FAM171A1: variants seen among roughly 807,000 people sequenced by gnomAD.
FAM171A1 encodes the protein protein FAM171A1.
FAM171A1 carries 23 observed loss-of-function variants against 74.9 expected under a neutral mutation model. The ratio of observed to expected loss-of-function variants is 0.31; its 90% CI spans 0.22 to 0.44. FAM171A1 has a LOEUF of 0.44. Ranked by LOEUF, FAM171A1 falls within the 20% of genes least tolerant of loss-of-function variation. The pLI is 1.00. For synonymous variants in FAM171A1, 527 were observed against 505.7 expected (o/e 1.04, Z -0.57); for missense variants, 1,162 against 1,159.2 (o/e 1.00, Z -0.03).
At chr10:15,319,223 A>G (rs1215016050) in intron 1 of FAM171A1, among the ~76,000 whole-genome samples, 2 of 152,074 alleles carry the variant, frequency 1.3e-5, no homozygotes, top group Non-Finnish European at 2.9e-5. Flanking sequence ...CTCTTTTTCC[A>G]TCAGTTGTTC....
At chr10:15,331,895 ATG>A (rs1835642789) in intron 1 of FAM171A1, among the ~76,000 whole-genome samples, 1 of 140,686 alleles carries the variant, frequency 7.1e-6, no homozygotes, top group Non-Finnish European at 1.5e-5. Context: ...ATATATATAT[ATG>A]AAACAATTAA....
intron 5 of FAM171A1, among the ~76,000 whole-genome samples, chr10:15,242,807 G>A (rs950224142): frequency 6.6e-6 from 1 of 151,918 alleles, no homozygotes; most frequent in East Asian, 1.9e-4. Flanking sequence ...AAAAGGAAGC[G>A]GAAATAGGTC....
intron 1 of FAM171A1, among the ~76,000 whole-genome samples, chr10:15,299,300 T>C (rs1421151993): frequency 6.6e-6 from 1 of 152,150 alleles, no homozygotes; most frequent in Non-Finnish European, 1.5e-5. Context: ...ACTGCTTAGT[T>C]AATGAGCAGT....
At chr10:15,368,155 C>T (rs767065974) in intron 1 of FAM171A1, among the ~76,000 whole-genome samples, 1 of 152,198 alleles carries the variant, frequency 6.6e-6, no homozygotes, top group Non-Finnish European at 1.5e-5. Flanking sequence ...AGTTCAAATT[C>T]ATGATAAACA....
At chr10:15,299,629 G>A (rs1835204437) in intron 1 of FAM171A1, among the ~76,000 whole-genome samples, 2 of 152,032 alleles carry the variant, frequency 1.3e-5, no homozygotes, top group African/African-American at 4.8e-5. Flanking sequence ...AGACCAGTTA[G>A]AAAGTGCTAC....
chr10:15,276,388 C>T (rs1324418606), intron 2 of FAM171A1, among the ~76,000 whole-genome samples: 1 of 152,102 alleles, frequency 6.6e-6, no homozygotes, highest in Non-Finnish European at 1.5e-5. Context: ...ACTGTGTTGG[C>T]GAAGCTGGTC....
chr10:15,262,850 G>A (rs1276797585), intron 3 of FAM171A1, among the ~76,000 whole-genome samples: 1 of 152,238 alleles, frequency 6.6e-6, no homozygotes, highest in Non-Finnish European at 1.5e-5. Flanking sequence ...TGGTGGGGCA[G>A]AGAAGCTGCA....
chr10:15,302,652 A>C (rs1477398358), intron 1 of FAM171A1, among the ~76,000 whole-genome samples: 2 of 152,132 alleles, frequency 1.3e-5, no homozygotes, highest in Non-Finnish European at 2.9e-5. Context: ...TGATCATCTT[A>C]GTTCCCTTTT....
intron 3 of FAM171A1, among the ~76,000 whole-genome samples, chr10:15,258,304 G>T (rs978605952): frequency 1.4e-5 from 2 of 145,238 alleles, no homozygotes; most frequent in South Asian, 2.2e-4. Context: ...CAGGTGATCC[G>T]CCTGCCTCAG....
intron 3 of FAM171A1, among the ~76,000 whole-genome samples, chr10:15,274,155 TCTC>T (rs1183186619): frequency 2.6e-5 from 4 of 152,194 alleles, no homozygotes; most frequent in Admixed American, 1.3e-4. Context: ...CAGCCCAAAA[TCTC>T]CTTAAGCTGA....
chr10:15,250,993 A>G (rs1834500215), intron 4 of FAM171A1, among the ~76,000 whole-genome samples: 1 of 152,086 alleles, frequency 6.6e-6, no homozygotes, highest in African/African-American at 2.4e-5. Flanking sequence ...CCCTTCCTGC[A>G]CATTCCCAGC....
chr10:15,270,637 G>A (rs565067803), intron 3 of FAM171A1, among the ~76,000 whole-genome samples: 2 of 152,272 alleles, frequency 1.3e-5, no homozygotes, highest in South Asian at 4.2e-4. Flanking sequence ...AGTAGGGGCC[G>A]ACTGACACCT....
At chr10:15,370,874 CCCGCCGCCGCCGCCG>C (rs564269771) in intron 1 of FAM171A1, 67 bp downstream of exon 1, 2 of 656,354 alleles carry the variant, frequency 3.0e-6, no homozygotes, top group Non-Finnish European at 3.8e-6. Flanking sequence ...CCGGGACCCT[CCCGCCGCCGCCGCCG>C]CCGCCGCCGC....
intron 1 of FAM171A1, among the ~76,000 whole-genome samples, chr10:15,291,959 T>C (rs1235680711): frequency 6.6e-6 from 1 of 152,202 alleles, no homozygotes; most frequent in African/African-American, 2.4e-5. Context: ...AGAATGCATA[T>C]ATTTTAGTCT....
intron 1 of FAM171A1, among the ~76,000 whole-genome samples, chr10:15,354,532 T>G (rs1446836256): frequency 6.6e-6 from 1 of 151,632 alleles, no homozygotes; most frequent in Non-Finnish European, 1.5e-5. Context: ...TTCAAGGCAA[T>G]GAACTTGGCA....
intron 5 of FAM171A1, among the ~76,000 whole-genome samples, chr10:15,227,066 C>T (rs1461346851): frequency 6.6e-6 from 1 of 152,152 alleles, no homozygotes; most frequent in Non-Finnish European, 1.5e-5. Flanking sequence ...GTGGTGCAAT[C>T]TCAGCTCACT....
intron 1 of FAM171A1, among the ~76,000 whole-genome samples, chr10:15,314,157 C>A (rs926888109): frequency 6.6e-6 from 1 of 152,164 alleles, no homozygotes; most frequent in Admixed American, 6.5e-5. Flanking sequence ...AACCGTCACC[C>A]TACAACTGGG....
intron 3 of FAM171A1, among the ~76,000 whole-genome samples, chr10:15,268,969 G>C (rs1260800796): frequency 6.6e-6 from 1 of 152,168 alleles, no homozygotes; most frequent in East Asian, 1.9e-4. Flanking sequence ...TTGGACCTGG[G>C]AGGCGGATAT....
At chr10:15,234,545 G>C (rs751739531) in intron 5 of FAM171A1, among the ~76,000 whole-genome samples, 2 of 152,124 alleles carry the variant, frequency 1.3e-5, no homozygotes, top group African/African-American at 4.8e-5. Context: ...TAGCAGTTTC[G>C]TATTGGCTCA....
Sources: allele counts gnomAD v4.1 joint callset (sites outside exome capture counted in the v4.1 genomes callset), GRCh38; gene constraint gnomAD v4.1.1; transcripts MANE v1.5; gene names NCBI Gene and HGNC (gene_info 2026-07-23, HGNC 2026-07-21).